The following ETV6 variants were observed in gnomAD, a reference collection of about 807,000 sequenced individuals.
The protein encoded by ETV6 is transcription factor ETV6.
In ETV6, 16 loss-of-function variants were observed where a neutral mutation model predicts 51.1. The ratio of observed to expected loss-of-function variants is 0.31; its 90% CI spans 0.21 to 0.48. ETV6 has a LOEUF of 0.48. Among genes scored for constraint, ETV6 ranks in the 20% least tolerant of loss-of-function variants. ETV6 has a pLI of 0.99. For missense variants in ETV6, 458 were observed against 594.8 expected (o/e 0.77, Z 2.39); for synonymous variants, 240 against 224.1 (o/e 1.07, Z -0.64).
chr12:11,855,906 A>G (rs1168803955), intron 4 of ETV6, among the ~76,000 whole-genome samples: 2 of 152,194 alleles, frequency 1.3e-5, no homozygotes, highest in Admixed American at 6.5e-5. Context: ...AGGTGGGTTT[A>G]CTGAAGCTTG....
chr12:11,791,299 C>T (rs1945585254), intron 2 of ETV6, among the ~76,000 whole-genome samples: 1 of 152,062 alleles, frequency 6.6e-6, no homozygotes, highest in Admixed American at 6.5e-5. Context: ...TTCACTGTTA[C>T]TTTAGAGGAT....
intron 1 of ETV6, among the ~76,000 whole-genome samples, chr12:11,673,161 G>T (rs1864352102): frequency 6.6e-6 from 1 of 152,202 alleles, no homozygotes; most frequent in Non-Finnish European, 1.5e-5. Context: ...GTGCCAAGCT[G>T]CAGTGTTCTG....
intron 1 of ETV6, among the ~76,000 whole-genome samples, chr12:11,711,356 A>G (rs1011610803): frequency 1.3e-5 from 2 of 152,222 alleles, no homozygotes; most frequent in Non-Finnish European, 2.9e-5. Context: ...CGAGAAGACC[A>G]TCACACAGCA....
At chr12:11,802,843 C>G (rs1376732820) in intron 2 of ETV6, among the ~76,000 whole-genome samples, 3 of 152,200 alleles carry the variant, frequency 2.0e-5, no homozygotes, top group Non-Finnish European at 4.4e-5. Flanking sequence ...TGGCCCAGCT[C>G]TTAGTTTGAA....
At chr12:11,742,537 T>TA (rs1436160141) in intron 1 of ETV6, among the ~76,000 whole-genome samples, 1 of 152,232 alleles carries the variant, frequency 6.6e-6, no homozygotes, top group Non-Finnish European at 1.5e-5. Flanking sequence ...GTTTGTATGT[T>TA]ACTTTTTCGA....
At chr12:11,706,856 T>A (rs1865081991) in intron 1 of ETV6, among the ~76,000 whole-genome samples, 1 of 152,266 alleles carries the variant, frequency 6.6e-6, no homozygotes, top group East Asian at 1.9e-4. Flanking sequence ...GGTGCACATA[T>A]GACCTGCAGG....
At chr12:11,866,711 CTG>C (rs1170458804) in intron 4 of ETV6, among the ~76,000 whole-genome samples, 1 of 152,212 alleles carries the variant, frequency 6.6e-6, no homozygotes, top group Non-Finnish European at 1.5e-5. Flanking sequence ...ACTCTGAACT[CTG>C]TCTCCACTGC....
chr12:11,684,662 T>A (rs2120759982), intron 1 of ETV6, among the ~76,000 whole-genome samples: 1 of 152,342 alleles, frequency 6.6e-6, no homozygotes, highest in Middle Eastern at 3.4e-3. Context: ...GAATTTCAGC[T>A]ATAAATACTT....
Position 11,650,492 on chromosome 12 carries a change from AAAAC to A in ETV6, c.33+336_33+339del, listed in dbSNP as rs1275866477. Among the ~76,000 whole-genome samples the A allele has an allele frequency of 7.9e-4, 54 of 68,752 alleles. 2 individuals carry two copies. Among genetic ancestry groups the A allele is most frequent in the South Asian group, 1.3e-3 (2 of 1,520 alleles). The allele number at this position is 68,752 out of a possible 152,430, so 45.1% of individuals were successfully genotyped here. ...GTAATTAGTGCGCTTAAAAAAAAAAAAAACAAAAAACAAAAAAAAAAAACCTGCT... is the reference window on the plus strand; with the variant it reads ...GTAATTAGTGCGCTTAAAAAAAAAAAAAAAAACAAAAAAAAAAAACCTGCT... On this transcript the variant is annotated intron_variant, in intron 1 of 7. Coordinates refer to ENST00000396373, the MANE Select transcript of ETV6 (RefSeq NM_001987.5).
chr12:11,819,768 G>A (rs987498315), intron 2 of ETV6, among the ~76,000 whole-genome samples: 1 of 152,168 alleles, frequency 6.6e-6, no homozygotes, highest in Non-Finnish European at 1.5e-5. Context: ...TTCTGCTTTA[G>A]TTCAGGCTAA....
chr12:11,791,799 T>G (rs1945598629), intron 2 of ETV6, among the ~76,000 whole-genome samples: 1 of 152,212 alleles, frequency 6.6e-6, no homozygotes. Flanking sequence ...TTGTAAATTT[T>G]CCAAGAGTTT....
chr12:11,760,767 T>G (rs1241566946), intron 2 of ETV6, among the ~76,000 whole-genome samples: 1 of 152,076 alleles, frequency 6.6e-6, no homozygotes, highest in African/African-American at 2.4e-5. Context: ...TGTTTCTCCT[T>G]AGGAGCCACT....
At chr12:11,791,710 G>A (rs1945596439) in intron 2 of ETV6, among the ~76,000 whole-genome samples, 2 of 152,100 alleles carry the variant, frequency 1.3e-5, no homozygotes, top group African/African-American at 4.8e-5. Flanking sequence ...ACATCAATAT[G>A]TGAATACATA....
intron 2 of ETV6, among the ~76,000 whole-genome samples, chr12:11,796,087 T>C (rs1176547117): frequency 6.6e-6 from 1 of 152,176 alleles, no homozygotes; most frequent in Non-Finnish European, 1.5e-5. Context: ...TTTAGATTTT[T>C]CCCTTTGCCT....
At chr12:11,841,968 G>C (rs1455061162) in intron 3 of ETV6, among the ~76,000 whole-genome samples, 1 of 151,044 alleles carries the variant, frequency 6.6e-6, no homozygotes, top group Admixed American at 6.6e-5. Flanking sequence ...TGTAGTCCCA[G>C]CTACTTGGGA....
intron 2 of ETV6, among the ~76,000 whole-genome samples, chr12:11,755,169 A>T (rs1037579478): frequency 6.6e-6 from 1 of 152,160 alleles, no homozygotes; most frequent in Non-Finnish European, 1.5e-5. Context: ...TTATGGCTGG[A>T]ATCTATTCTA....
chr12:11,890,046 C>A (rs1947262978), intron 7 of ETV6, among the ~76,000 whole-genome samples: 1 of 152,044 alleles, frequency 6.6e-6, no homozygotes, highest in African/African-American at 2.4e-5. Flanking sequence ...TTGCTGTACA[C>A]CCCAGTTGCA....
At chr12:11,780,343 T>C (rs1945394866) in intron 2 of ETV6, among the ~76,000 whole-genome samples, 1 of 152,240 alleles carries the variant, frequency 6.6e-6, no homozygotes, top group Non-Finnish European at 1.5e-5. Flanking sequence ...CCTTTTTTAC[T>C]GCCCTGGGAC....
chr12:11,783,957 G>A (rs1444573228), intron 2 of ETV6, among the ~76,000 whole-genome samples: 9 of 152,296 alleles, frequency 5.9e-5, no homozygotes, highest in Admixed American at 2.0e-4. Flanking sequence ...CCCCCACCGC[G>A]TGGCATCGCC....
Sources: allele counts gnomAD v4.1 joint callset (sites outside exome capture counted in the v4.1 genomes callset), GRCh38; gene constraint gnomAD v4.1.1; transcripts MANE v1.5; gene names NCBI Gene and HGNC (gene_info 2026-07-23, HGNC 2026-07-21).